CTRL: variants seen among roughly 807,000 people sequenced by gnomAD.
CTRL encodes chymotrypsin-like protease CTRL-1.
CTRL carries 38 observed loss-of-function variants against 35.5 expected under a neutral mutation model. That is an observed-to-expected ratio of 1.07 (90% CI 0.83 to 1.40). The LOEUF (loss-of-function observed/expected upper bound fraction) is 1.40. Among genes scored for constraint, CTRL ranks in the 40% most tolerant of loss-of-function variants. CTRL has a pLI of 0.00. For missense variants in CTRL, 327 were observed against 342.9 expected, an observed-to-expected ratio of 0.95 and a Z score of 0.37; for synonymous variants, 155 against 141.1, an observed-to-expected ratio of 1.10 and a Z score of -0.70.
chr16:67,929,788 A>C lies in CTRL; in HGVS notation c.*146T>G, dbSNP rs952790436. 56 of 909,204 alleles carry C rather than the reference A, an allele frequency of 6.2e-5. No homozygotes were observed. In the African/African-American group the frequency reaches 9.3e-4, roughly 15 times the overall value. 56.3% of individuals were successfully genotyped at this position (909,204 alleles called of 1,614,324 possible). A position where few individuals can be genotyped will look rare whatever the true frequency, so the allele number is the denominator to read the frequency against. The stretch of plus-strand genomic sequence containing the variant: ...GCCACTGCTACTCAAGGAGTCACTC[A>C]GCCCCTTCTGTGCCAGAAGTCCAAG... On this transcript the variant is annotated 3_prime_UTR_variant, in exon 7 of 7. Transcript: ENST00000574481.
rs891511886 is a variant in CTRL, at chr16:67,931,774, A to T, written c.52+27T>A. The stretch of plus-strand genomic sequence containing the variant: ...GGGAGCTGAGTTGCTCCCAGGGCTG[A>T]ATCAGGGCTGGTCCTGGCCCACTCA... On this transcript the variant is annotated intron_variant, in intron 1 of 6. Coordinates refer to ENST00000574481, the MANE Select transcript of CTRL (RefSeq NM_001907.3). 4.5e-6 allele frequency: 7 copies of T among 1,555,808 alleles called. No homozygotes were observed. In the African/African-American group the frequency reaches 6.8e-5, roughly 15 times the overall value.
chr16:67,930,667 C>T lies in CTRL; in HGVS notation c.318+59G>A. ...GGGCATGTCCTGAATTCCTCGTTCCCAGCACCCACCCACCTGCACTGCCCA... is the reference window on the plus strand; with the variant it reads ...GGGCATGTCCTGAATTCCTCGTTCCTAGCACCCACCCACCTGCACTGCCCA... On this transcript the variant is annotated intron_variant, in intron 4 of 6. Coordinates refer to ENST00000574481, the MANE Select transcript of CTRL (RefSeq NM_001907.3). This position sits in a 1 kb window ranked among gnomAD's most constrained non-coding sequence, Gnocchi z 4.3. The T allele has an allele frequency of 6.2e-7, 1 of 1,607,988 alleles. No homozygotes were observed. The highest frequency in any genetic ancestry group is 8.5e-7 in the Non-Finnish European group (1 of 1,174,940).
chr16:67,931,352 C>G, intron 1 of CTRL, 151 bp from the exon 2 acceptor site: 1 of 694,946 alleles, frequency 1.4e-6, no homozygotes, highest in Non-Finnish European at 2.5e-6. Context: ...CAAGCACCTT[C>G]GGGCCCCACA....
intron 1 of CTRL, 76 bp downstream of exon 1, chr16:67,931,725 T>C: frequency 5.3e-6 from 8 of 1,507,216 alleles, no homozygotes; most frequent in Non-Finnish European, 6.3e-6. Context: ...CCAGCCAGCC[T>C]AGCTCCTTCC....
rs1567404171 is a variant in CTRL at position 67,930,649 on chromosome 16, T to C, written c.319-61A>G. The C allele has an allele frequency of 6.2e-7, 1 of 1,606,744 alleles. No individual in the cohort carries two copies. ...GCTGAGCAGGGTAGGCCAGGGCATG[T>C]CCTGAATTCCTCGTTCCCAGCACCC... is the stretch of plus-strand genomic sequence containing the variant. On this transcript the variant is annotated intron_variant, in intron 4 of 6. Transcript: ENST00000574481. The surrounding 1 kb of genome is among the most constrained non-coding windows in gnomAD (Gnocchi z 4.3).
Position 67,930,723 on chromosome 16 carries a change from C to G in CTRL, c.318+3G>C. On this transcript the variant is annotated splice_donor_region_variant and intron_variant, in intron 4 of 6. Coordinates refer to ENST00000574481, the MANE Select transcript of CTRL (RefSeq NM_001907.3). This position sits in a 1 kb window ranked among gnomAD's most constrained non-coding sequence, Gnocchi z 4.3. ...CCTCCGTGTCTGCAGCCCAGGCACTCACCCGAGAGACGGACAGAACCTGCA... is the reference window on the plus strand; with the variant it reads ...CCTCCGTGTCTGCAGCCCAGGCACTGACCCGAGAGACGGACAGAACCTGCA... 6.2e-7 allele frequency: 1 copy of G among 1,613,772 alleles called. No homozygotes were observed. Among genetic ancestry groups the G allele is most frequent in the South Asian group, 1.1e-5 (1 of 91,068 alleles).
chr16:67,931,524 A>G (rs2058241670), intron 1 of CTRL: 1 of 585,606 alleles, frequency 1.7e-6, no homozygotes, highest in Non-Finnish European at 3.0e-6. Flanking sequence ...GGTTCTTTCT[A>G]AAAGACATGG....
chr16:67,931,050 C>T (rs2058238968), intron 2 of CTRL, 48 bp downstream of exon 2: 12 of 1,613,654 alleles, frequency 7.4e-6, no homozygotes, highest in Non-Finnish European at 9.3e-6. Context: ...TGAGGCTGCC[C>T]CTAGGCATGA....
chr16:67,930,137 G>C lies in CTRL; in HGVS notation c.634-42C>G, dbSNP rs763914968. On this transcript the variant is annotated intron_variant, in intron 6 of 6. Transcript: ENST00000574481. This position sits in a 1 kb window ranked among gnomAD's most constrained non-coding sequence, Gnocchi z 4.3. ...AGGGAGAATTGAGTAGGGGGGGTTG[G>C]GGAGGTATACCACAGGACAGCGCAG... The C allele has an allele frequency of 6.2e-7, 1 of 1,613,708 alleles. No homozygotes were observed. Among genetic ancestry groups the C allele is most frequent in the East Asian group, 2.2e-5 (1 of 44,870 alleles).
chr16:67,930,157 G>GGTATAC lies in CTRL; in HGVS notation c.633+27_633+28insGTATAC, dbSNP rs2058234007. 1 of 1,613,746 alleles carries GGTATAC rather than the reference G, an allele frequency of 6.2e-7. No individual in the cohort carries two copies. The highest frequency in any genetic ancestry group is 1.7e-5 in the Admixed American group (1 of 60,010). ...GGTTGGGGAGGTATACCACAGGACA[G>GGTATAC]CGCAGAGGAGCGGGTGCTGGGGCTT... is the stretch of plus-strand genomic sequence containing the variant. On this transcript the variant is annotated intron_variant, in intron 6 of 6. Transcript: ENST00000574481. The surrounding 1 kb of genome is among the most constrained non-coding windows in gnomAD (Gnocchi z 4.3).
At position 67,929,982 on chromosome 16, in the gene CTRL, T is replaced by G; in HGVS notation, c.747A>C (p.Arg249=). 1 of 1,614,100 alleles carries G rather than the reference T, an allele frequency of 6.2e-7. No homozygotes were observed. Among genetic ancestry groups the G allele is most frequent in the Admixed American group, 1.7e-5 (1 of 60,020 alleles). ...TGATCCAGGTGCTGAACTTGCTAAC[T>G]CGAGTATACACAGCAGGTGCGCGCA... is the stretch of plus-strand genomic sequence containing the variant. The part of the protein sequence containing the change: ...CNVRAPAVYT[R]VSKFSTWINQ... The change falls in exon 7 of 7, where the codon CGA becomes CGC. Residue 249 remains arginine (R), a synonymous_variant. Coordinates refer to ENST00000574481, the MANE Select transcript of CTRL (RefSeq NM_001907.3).
At position 67,930,343 on chromosome 16, in the gene CTRL, A is replaced by G; in HGVS notation, c.500-25T>C. On this transcript the variant is annotated intron_variant, in intron 5 of 6. Coordinates refer to ENST00000574481, the MANE Select transcript of CTRL (RefSeq NM_001907.3). The surrounding 1 kb of genome is among the most constrained non-coding windows in gnomAD (Gnocchi z 4.3). Reference sequence around the variant, plus strand: ...CCTGTGGGCCAGGAGGGGTGGTCACATGGGGCCCAGAACACTGGTCCCCAC... The same window carrying G: ...CCTGTGGGCCAGGAGGGGTGGTCACGTGGGGCCCAGAACACTGGTCCCCAC... 1 of 1,613,694 alleles carries G rather than the reference A, an allele frequency of 6.2e-7. No individual in the cohort carries two copies.
rs776839938 is a variant in CTRL, at chr16:67,930,289, C to A, written c.529G>T (p.Val177Leu). 33 of 1,614,054 alleles carry A rather than the reference C, an allele frequency of 2.0e-5. 1 individual carries two copies. The South Asian group carries it at 2.9e-4, about 14-fold the overall frequency. Residue 177 changes from valine (V) to leucine (L), a missense_variant, in exon 6 of 7, where the codon GTG (valine) becomes TTG (leucine). Transcript: ENST00000574481. The surrounding 1 kb of genome is among the most constrained non-coding windows in gnomAD (Gnocchi z 4.3). Reference protein sequence around the residue: ...GNVTPAHLQQVALPLVTVNQC... With the variant: ...GNVTPAHLQQLALPLVTVNQC... ...TTCACAGTGACCAGGGGCAAAGCCA[C>A]CTGCTGCAGATGTGCTGGTGTCACA...
Position 67,931,173 on chromosome 16 carries a change from T to TTG in CTRL, c.80_81insCA (p.Leu28AsnfsTer2). The stretch of plus-strand genomic sequence containing the variant: ...TGACAATCCTCTGGCTGAAGCTCAG[T>TTG]GCCGGTTTGATGGCAGGAATGCCGC... On this transcript the variant is annotated frameshift_variant, in exon 2 of 7. Coordinates refer to ENST00000574481, the MANE Select transcript of CTRL (RefSeq NM_001907.3). LOFTEE classifies it high-confidence loss of function. 2 of 1,613,966 alleles carry TTG rather than the reference T, an allele frequency of 1.2e-6. No homozygotes were observed. The highest frequency in any genetic ancestry group is 4.5e-5 in the East Asian group (2 of 44,896).
chr16:67,930,879 G>C lies in CTRL; in HGVS notation c.236+41C>G, dbSNP rs771312462. The C allele has an allele frequency of 2.2e-5, 36 of 1,612,656 alleles. No homozygotes were observed. In the East Asian group the frequency reaches 6.5e-4, roughly 29 times the overall value. ...GGGGGACAGCCAGGGGAGGAGGCAG[G>C]AAGAGGCGAGGGGCGGGGCAGGTGG... On this transcript the variant is annotated intron_variant, in intron 3 of 6. Coordinates refer to ENST00000574481, the MANE Select transcript of CTRL (RefSeq NM_001907.3). This position sits in a 1 kb window ranked among gnomAD's most constrained non-coding sequence, Gnocchi z 4.3.
rs564872445 is a variant in CTRL, at chr16:67,930,608, C to T, written c.319-20G>A. The T allele has an allele frequency of 1.1e-5, 18 of 1,611,462 alleles. 1 individual carries two copies. Among genetic ancestry groups the T allele is most frequent in the South Asian group, 2.2e-5 (2 of 91,038 alleles). ...AATGGCCTGTGGGGTCAGAAACAGT[C>T]CATGTTCTGATGGGTGCTGAGCAGG... On this transcript the variant is annotated intron_variant, in intron 4 of 6. Transcript: ENST00000574481. The surrounding 1 kb of genome is among the most constrained non-coding windows in gnomAD (Gnocchi z 4.3).
At position 67,930,803 on chromosome 16, in the gene CTRL, C is replaced by A; in HGVS notation, c.241G>T (p.Gly81Cys). The A allele has an allele frequency of 6.2e-7, 1 of 1,613,974 alleles. No individual in the cohort carries two copies. Among genetic ancestry groups the A allele is most frequent in the South Asian group, 1.1e-5 (1 of 91,058 alleles). ...VTAAHCNVSP[G>C]RHFVVLGEYD... ...TCGCCCAGGACAACAAAATGGCGGC[C>A]AGGGCTGCAAGGGGGTGGGATTAGG... The change falls in exon 4 of 7, where the codon GGC becomes TGC. Residue 81 changes from glycine to cysteine, a missense_variant. Transcript: ENST00000574481. The surrounding 1 kb of genome is among the most constrained non-coding windows in gnomAD (Gnocchi z 4.3).
chr16:67,930,730 G>C lies in CTRL; in HGVS notation c.314C>G (p.Ser105Cys), dbSNP rs747696897. The change falls in exon 4 of 7, where the codon TCT (serine) becomes TGT (cysteine). Residue 105 changes from serine (S) to cysteine (C), a missense_variant. By Grantham distance (112) the Ser-to-Cys change is moderately radical (BLOSUM62 -1). Transcript: ENST00000574481. This position sits in a 1 kb window ranked among gnomAD's most constrained non-coding sequence, Gnocchi z 4.3. Reference protein sequence around the residue: ...NAEPLQVLSVSRAITHPSWNS... With the variant: ...NAEPLQVLSVCRAITHPSWNS... ...GTCTGCAGCCCAGGCACTCACCCGA[G>C]AGACGGACAGAACCTGCAAGGGCTC... is the stretch of plus-strand genomic sequence containing the variant. The C allele has an allele frequency of 6.2e-7, 1 of 1,614,036 alleles. No individual in the cohort carries two copies. Among genetic ancestry groups the C allele is most frequent in the East Asian group, 2.2e-5 (1 of 44,874 alleles).
chr16:67,930,301 G>GTGC lies in CTRL; in HGVS notation c.514_516dup (p.Ala172dup). The GTGC allele has an allele frequency of 6.2e-7, 1 of 1,614,038 alleles. No homozygotes were observed. Among genetic ancestry groups the GTGC allele is most frequent in the East Asian group, 2.2e-5 (1 of 44,862 alleles). On this transcript the variant is annotated inframe_insertion, in exon 6 of 7. Transcript: ENST00000574481. The surrounding 1 kb of genome is among the most constrained non-coding windows in gnomAD (Gnocchi z 4.3). ...AGGGGCAAAGCCACCTGCTGCAGAT[G>GTGC]TGCTGGTGTCACATTGCCTGTGGGC...
Sources: gnomAD v4.1 joint callset for allele counts on GRCh38, gnomAD v4.1.1 for gene constraint, Gnocchi (gnomAD v3.1) non-coding constraint, MANE v1.5 for transcripts, NCBI Gene and HGNC (gene_info 2026-07-23, HGNC 2026-07-21) for gene names.